LCMT1: variants seen among roughly 807,000 people sequenced by gnomAD.
LCMT1 encodes the protein leucine carboxyl methyltransferase 1.
A neutral mutation model predicts 47.7 loss-of-function variants in LCMT1; 32 were observed. That is an observed-to-expected ratio of 0.67 (90% CI 0.51 to 0.90). LCMT1 has a LOEUF of 0.90. LCMT1 is among the 40% of genes least tolerant of loss of function. LCMT1 has a pLI of 0.00. For synonymous variants in LCMT1, 152 were observed against 149.7 expected, an observed-to-expected ratio of 1.02 and a Z score of -0.11; for missense variants, 375 against 415.2, an observed-to-expected ratio of 0.90 and a Z score of 0.84.
chr16:25,122,584 C>T (rs1268587621), intron 1 of LCMT1, among the ~76,000 whole-genome samples: 1 of 151,982 alleles, frequency 6.6e-6, no homozygotes, highest in Non-Finnish European at 1.5e-5. Flanking sequence ...CCTCCTTGAC[C>T]TCCCAAAGTG....
chr16:25,139,853 C>T (rs1006185018), intron 3 of LCMT1, among the ~76,000 whole-genome samples: 2 of 152,126 alleles, frequency 1.3e-5, no homozygotes, highest in Admixed American at 6.6e-5. Context: ...TTTGAAAATA[C>T]GGAGTATATT....
intron 3 of LCMT1, among the ~76,000 whole-genome samples, 157 bp downstream of exon 3, chr16:25,132,680 C>T (rs1960388247): frequency 6.6e-6 from 1 of 151,900 alleles, no homozygotes; most frequent in Non-Finnish European, 1.5e-5. Flanking sequence ...GACTCTCAGT[C>T]CTGTTTTATC....
rs377432287 is a variant in LCMT1 at position 25,140,316 on chromosome 16, A to G, written c.404+69A>G. The G allele has an allele frequency of 2.1e-5, 25 of 1,181,370 alleles. No homozygotes were observed. The Admixed American group carries it at 2.8e-4, about 13-fold the overall frequency. The allele number at this position is 1,181,370 out of a possible 1,614,324, so 73.2% of individuals were successfully genotyped here. A position where few individuals can be genotyped will look rare whatever the true frequency, so the allele number is the denominator to read the frequency against. ...AGATCCAGCTCTCAAGAGATGGCAG[A>G]TCTGAATGCCAGAGACTTCACTTTA... On this transcript the variant is annotated intron_variant, in intron 4 of 10. Coordinates refer to ENST00000399069, the MANE Select transcript of LCMT1 (RefSeq NM_016309.3).
intron 5 of LCMT1, chr16:25,159,014 C>G (rs570654279): frequency 6.6e-6 from 1 of 152,114 alleles, no homozygotes; most frequent in African/African-American, 2.4e-5. Flanking sequence ...GTACAACTTA[C>G]AAGAATAATC....
Position 25,111,836 on chromosome 16 carries a change from C to T in LCMT1, c.-48C>T, listed in dbSNP as rs763732576. The T allele has an allele frequency of 3.0e-6, 4 of 1,351,802 alleles. No homozygotes were observed. The highest frequency in any genetic ancestry group is 1.0e-6 in the Non-Finnish European group (1 of 956,750). 83.7% of individuals were successfully genotyped at this position (1,351,802 alleles called of 1,614,324 possible). Reference sequence around the variant, plus strand: ...CGCCGTCCCCCGCCGCCCGTCGACCCCGCTTCCATGTCCCTGGCGGACACA... The same window carrying T: ...CGCCGTCCCCCGCCGCCCGTCGACCTCGCTTCCATGTCCCTGGCGGACACA... On this transcript the variant is annotated 5_prime_UTR_variant, in exon 1 of 11. Transcript: ENST00000399069.
At chr16:25,152,217 A>G (rs1480686284) in intron 5 of LCMT1, among the ~76,000 whole-genome samples, 1 of 152,198 alleles carries the variant, frequency 6.6e-6, no homozygotes, top group African/African-American at 2.4e-5. Flanking sequence ...GGCAGCAGTC[A>G]GGCAGTTGGG....
At chr16:25,124,684 G>A (rs574801341) in intron 1 of LCMT1, among the ~76,000 whole-genome samples, 1 of 152,280 alleles carries the variant, frequency 6.6e-6, no homozygotes, top group Admixed American at 6.5e-5. Context: ...GCCTGTTGGA[G>A]GGGATTTCAC....
At chr16:25,121,099 A>T (rs991531581) in intron 1 of LCMT1, among the ~76,000 whole-genome samples, 2 of 149,128 alleles carry the variant, frequency 1.3e-5, no homozygotes, top group African/African-American at 4.9e-5. Context: ...AAATTTTGGG[A>T]TGTGTTTGCC....
intron 4 of LCMT1, chr16:25,142,920 G>T (rs989414146): frequency 1.3e-5 from 2 of 152,198 alleles, no homozygotes; most frequent in African/African-American, 4.8e-5. Context: ...ATCGGGAGAG[G>T]TGTACCCAGC....
At chr16:25,165,578 C>T (rs1961564703) in intron 7 of LCMT1, among the ~76,000 whole-genome samples, 1 of 151,328 alleles carries the variant, frequency 6.6e-6, no homozygotes, top group Admixed American at 6.6e-5. Flanking sequence ...AGTGCAACAG[C>T]ACACTCTCGG....
chr16:25,144,964 T>A (rs277910), intron 4 of LCMT1: 34,613 of 152,100 alleles, frequency 0.23, 4,062 homozygotes, highest in East Asian at 0.35. Flanking sequence ...TTCAAAAGAT[T>A]GTTGACATTT....
intron 1 of LCMT1, among the ~76,000 whole-genome samples, chr16:25,118,415 A>G (rs1597556446): frequency 6.6e-6 from 1 of 152,108 alleles, no homozygotes; most frequent in Non-Finnish European, 1.5e-5. Flanking sequence ...CATTCACTCC[A>G]CATTCTTTGT....
At chr16:25,148,944 T>C (rs1009202884) in intron 4 of LCMT1, 1 of 152,246 alleles carries the variant, frequency 6.6e-6, no homozygotes, top group Admixed American at 6.5e-5. Context: ...CGGCTGGCTC[T>C]CTGGAAGAGC....
In LCMT1 at chr16:25,136,748, G is replaced by A. The variant is rs190497818; in HGVS notation, c.328-3423G>A. Among the ~76,000 whole-genome samples the A allele has an allele frequency of 2.6e-5, 4 of 151,882 alleles. No homozygotes were observed. The East Asian group carries it at 5.9e-4, about 22-fold the overall frequency. The stretch of plus-strand genomic sequence containing the variant: ...GAGATGGGGTTTTACCATGTTGGCC[G>A]GGCTGGTCTTGAACTCCTGGCCTCA... On this transcript the variant is annotated intron_variant, in intron 3 of 10. Transcript: ENST00000399069.
intron 3 of LCMT1, among the ~76,000 whole-genome samples, chr16:25,137,963 C>T (rs1048548972): frequency 6.6e-6 from 1 of 152,066 alleles, no homozygotes; most frequent in Non-Finnish European, 1.5e-5. Context: ...TTCATCTGTC[C>T]CTCTATACCT....
chr16:25,151,592 A>C lies in LCMT1; in HGVS notation c.443A>C (p.His148Pro). The change falls in exon 5 of 11, where the codon CAT becomes CCT. Residue 148 changes from histidine to proline, a missense_variant. Transcript: ENST00000399069. ...PPLSSPILEL[H>P]SEDTLQMDGH... ...CTATCCAGCCCCATTCTAGAACTGCATTCAGAGGACACACTTCAGATGGGC... is the reference window on the plus strand; with the variant it reads ...CTATCCAGCCCCATTCTAGAACTGCCTTCAGAGGACACACTTCAGATGGGC... 6.2e-7 allele frequency: 1 copy of C among 1,613,598 alleles called. No homozygotes were observed. Among genetic ancestry groups the C allele is most frequent in the South Asian group, 1.1e-5 (1 of 90,948 alleles).
At chr16:25,127,327 CTG>C (rs888030857) in intron 1 of LCMT1, among the ~76,000 whole-genome samples, 11 of 152,076 alleles carry the variant, frequency 7.2e-5, no homozygotes, top group Non-Finnish European at 1.6e-4. Context: ...TGTTATAAAA[CTG>C]TGTGGGTATG....
At chr16:25,160,677 T>C (rs1011028308) in intron 5 of LCMT1, 2 of 477,698 alleles carry the variant, frequency 4.2e-6, no homozygotes, top group Admixed American at 2.2e-5. Flanking sequence ...TAGTGAGGGA[T>C]TGGCTAAATA....
intron 5 of LCMT1, 78 bp downstream of exon 5, chr16:25,151,693 T>G (rs1044441798): frequency 6.1e-4 from 352 of 575,966 alleles, no homozygotes; most frequent in Non-Finnish European, 9.2e-4. Context: ...GGGGTTTGTG[T>G]TGGGTGTGTG....
Sources: gnomAD v4.1 joint callset for allele counts (sites outside exome capture counted in the v4.1 genomes callset) on GRCh38, gnomAD v4.1.1 for gene constraint, MANE v1.5 for transcripts, NCBI Gene and HGNC (gene_info 2026-07-23, HGNC 2026-07-21) for gene names.